Variants in ERO1B observed in about 807,000 individuals in gnomAD.
ERO1B encodes the protein endoplasmic reticulum oxidoreductase 1 beta.
ERO1B carries 49 observed loss-of-function variants against 75.3 expected under a neutral mutation model. That is an observed-to-expected ratio of 0.65 (90% CI 0.52 to 0.83). ERO1B has a LOEUF of 0.83. ERO1B is among the 40% of genes least tolerant of loss of function. The pLI is 0.00. For synonymous variants in ERO1B, 191 were observed against 192.9 expected (o/e 0.99, Z 0.08); for missense variants, 512 against 560.1 (o/e 0.91, Z 0.87).
At chr1:236,251,199 A>T (rs938922880) in intron 4 of ERO1B, among the ~76,000 whole-genome samples, 2 of 132,408 alleles carry the variant, frequency 1.5e-5, no homozygotes, top group African/African-American at 6.0e-5. Context: ...AATATTATTA[A>T]TATTATTTAA....
intron 2 of ERO1B, among the ~76,000 whole-genome samples, chr1:236,262,576 T>G (rs1665316682): frequency 6.6e-6 from 1 of 151,378 alleles, no homozygotes; most frequent in South Asian, 2.1e-4. Context: ...ATTTTTTTTT[T>G]GTATTTTTAG....
At chr1:236,259,671 T>C (rs1572060137) in intron 2 of ERO1B, among the ~76,000 whole-genome samples, 1 of 150,932 alleles carries the variant, frequency 6.6e-6, no homozygotes, top group Middle Eastern at 3.4e-3. Context: ...AGGGGGTCAA[T>C]TTATCAAGAA....
intron 1 of ERO1B, among the ~76,000 whole-genome samples, chr1:236,275,741 T>C (rs906918650): frequency 6.6e-6 from 1 of 152,166 alleles, no homozygotes; most frequent in Non-Finnish European, 1.5e-5. Flanking sequence ...CAAGTGTGAT[T>C]GAAAGGGGCT....
chr1:236,233,321 A>AG (rs1664460338), intron 8 of ERO1B, among the ~76,000 whole-genome samples: 1 of 151,090 alleles, frequency 6.6e-6, no homozygotes, highest in South Asian at 2.1e-4. Context: ...AAAAAAAAAA[A>AG]AAGAAGAAGG....
rs1663956859 is a variant in ERO1B, at chr1:236,215,819, T to A, written c.*2697A>T. The A allele has an allele frequency of 6.6e-6, 1 of 152,150 alleles. No homozygotes were observed. 9.4% of individuals were successfully genotyped at this position (152,150 alleles called of 1,614,324 possible). ...GGTTTACTGTGAACTGTTCCCAAAT[T>A]TTCAGCTGAAGGCAATGCTGATGAA... On this transcript the variant is annotated 3_prime_UTR_variant, in exon 16 of 16. Coordinates refer to ENST00000354619, the MANE Select transcript of ERO1B (RefSeq NM_019891.4).
At chr1:236,218,772 A>G (rs1484631639) in intron 15 of ERO1B, among the ~76,000 whole-genome samples, 196 bp from the exon 16 acceptor site, 1 of 152,216 alleles carries the variant, frequency 6.6e-6, no homozygotes, top group African/African-American at 2.4e-5. Flanking sequence ...GTTACTTCAT[A>G]CTATCTACAG....
At chr1:236,223,930 G>A (rs754632023) in intron 13 of ERO1B, among the ~76,000 whole-genome samples, 6 of 152,032 alleles carry the variant, frequency 3.9e-5, no homozygotes, top group Non-Finnish European at 7.4e-5. Flanking sequence ...AGAAAGTCTC[G>A]CCAAAGGAGA....
At position 236,281,859 on chromosome 1, in the gene ERO1B, A is replaced by AC; in HGVS notation, c.-77_-76insG. On this transcript the variant is annotated 5_prime_UTR_variant, in exon 1 of 16. Transcript: ENST00000354619. ...CGACGGGCGGCCCAGGCGACGACCCAAGGGGACGGTTCCCAGCGGCCGAGC... is the reference window on the plus strand; with the variant it reads ...CGACGGGCGGCCCAGGCGACGACCCACAGGGGACGGTTCCCAGCGGCCGAGC... 1 of 1,115,472 alleles carries AC rather than the reference A, an allele frequency of 9.0e-7. No homozygotes were observed. Among genetic ancestry groups the AC allele is most frequent in the Non-Finnish European group, 1.2e-6 (1 of 851,484 alleles). The allele number at this position is 1,115,472 out of a possible 1,614,324, so 69.1% of individuals were successfully genotyped here.
In ERO1B at chr1:236,268,313, G is replaced by A. The variant is rs573535660; in HGVS notation, c.222+1562C>T. On this transcript the variant is annotated intron_variant, in intron 2 of 15. Transcript: ENST00000354619. ...AAATTAGCCAGGCGTGGTGGTGGGC[G>A]CCTGTAATCCCAGCTACTCGGGAGG... is the stretch of plus-strand genomic sequence containing the variant. Among the ~76,000 whole-genome samples, 18 of 152,190 alleles carry A rather than the reference G, an allele frequency of 1.2e-4. No homozygotes were observed. In the East Asian group the frequency reaches 1.4e-3, roughly 11 times the overall value.
chr1:236,269,982 G>C lies in ERO1B; in HGVS notation c.115C>G (p.Leu39Val), dbSNP rs1276134566. 1.3e-6 allele frequency: 2 copies of C among 1,594,008 alleles called. No homozygotes were observed. The highest frequency in any genetic ancestry group is 2.3e-5 in the South Asian group (2 of 88,618). The change falls in exon 2 of 16, where the codon CTG (leucine) becomes GTG (valine). Residue 39 changes from leucine to valine, a missense_variant. Physicochemically the swap from Leu to Val is conservative, Grantham distance 32. Coordinates refer to ENST00000354619, the MANE Select transcript of ERO1B (RefSeq NM_019891.4). ...SVVEAQVTGVLDDCLCDIDSI... is the reference protein window; with the variant it reads ...SVVEAQVTGVVDDCLCDIDSI... ...TCAATATCACACAAGCAATCATCCAGAACTCCAGTGACCTAGAATTTATAT... is the reference window on the plus strand; with the variant it reads ...TCAATATCACACAAGCAATCATCCACAACTCCAGTGACCTAGAATTTATAT...
At chr1:236,228,944 TCA>T (rs1664336888) in intron 10 of ERO1B, among the ~76,000 whole-genome samples, 1 of 152,222 alleles carries the variant, frequency 6.6e-6, no homozygotes, top group Non-Finnish European at 1.5e-5. Context: ...TTACTAACAC[TCA>T]GAGTCTCTGA....
At position 236,226,332 on chromosome 1, in the gene ERO1B, G is replaced by A. The variant is rs1333242389; in HGVS notation, c.989C>T (p.Thr330Ile). 6.2e-7 allele frequency: 1 copy of A among 1,613,938 alleles called. No homozygotes were observed. Among genetic ancestry groups the A allele is most frequent in the African/African-American group, 1.3e-5 (1 of 74,926 alleles). ...YFERSIVDLYTGNAEEDADTK... is the reference protein window; with the variant it reads ...YFERSIVDLYIGNAEEDADTK... Reference sequence around the variant, plus strand: ...GTCAGCATCTTCTTCTGCATTTCCAGTGTAAAGATCGACAATTGAGCGCTC... The same window carrying A: ...GTCAGCATCTTCTTCTGCATTTCCAATGTAAAGATCGACAATTGAGCGCTC... The change falls in exon 12 of 16, where the codon ACT becomes ATT. Residue 330 changes from threonine to isoleucine, a missense_variant. Thr to Ile is a moderately conservative substitution (Grantham distance 89, BLOSUM62 -1). Transcript: ENST00000354619.
intron 5 of ERO1B, among the ~76,000 whole-genome samples, chr1:236,245,711 G>A (rs556325525): frequency 8.2e-5 from 12 of 145,692 alleles, no homozygotes; most frequent in African/African-American, 2.8e-4. Flanking sequence ...TCACCCTCCT[G>A]AGTAGCTGGG....
At chr1:236,233,746 A>T (rs541607139) in intron 8 of ERO1B, among the ~76,000 whole-genome samples, 1 of 152,216 alleles carries the variant, frequency 6.6e-6, no homozygotes, top group Non-Finnish European at 1.5e-5. Context: ...CTCTCTGAAC[A>T]TTACTGTTTC....
intron 2 of ERO1B, among the ~76,000 whole-genome samples, chr1:236,254,826 TG>T (rs1250175875): frequency 6.6e-6 from 1 of 152,106 alleles, no homozygotes; most frequent in African/African-American, 2.4e-5. Flanking sequence ...TTGGCCAGGC[TG>T]GTTTCGAACT....
chr1:236,221,095 T>C, intron 14 of ERO1B, 130 bp from the exon 15 acceptor site: 2 of 642,970 alleles, frequency 3.1e-6, no homozygotes, highest in Non-Finnish European at 4.7e-6. Flanking sequence ...CACAAAAATA[T>C]TACTACAGTT....
chr1:236,251,405 A>G (rs1332454512), intron 4 of ERO1B: 1 of 769,998 alleles, frequency 1.3e-6, no homozygotes, highest in Non-Finnish European at 1.6e-6. Context: ...AACTGCTTTT[A>G]TATGGTTTTA....
In ERO1B at chr1:236,253,446, G is replaced by C. The variant is rs1452302992; in HGVS notation, c.282C>G (p.Asp94Glu). The stretch of plus-strand genomic sequence containing the variant: ...CCTCTGGACAGGGCTCCACATGACA[G>C]TCTTTTATTGAACAGTGGCCATCTT... ...WAEDGHCSIK[D>E]CHVEPCPESK... The change falls in exon 3 of 16, where the codon GAC becomes GAG. Residue 94 changes from aspartate to glutamate, a missense_variant. Transcript: ENST00000354619. 6.2e-7 allele frequency: 1 copy of C among 1,609,986 alleles called. No individual in the cohort carries two copies. The highest frequency in any genetic ancestry group is 1.7e-5 in the Admixed American group (1 of 59,772).
chr1:236,245,627 C>CCACA (rs1247011051), intron 5 of ERO1B, among the ~76,000 whole-genome samples: 1 of 125,802 alleles, frequency 7.9e-6, no homozygotes. Flanking sequence ...ACTCTGTCAC[C>CCACA]CAGGCTGGAG....
Sources: gnomAD v4.1 joint callset for allele counts (sites outside exome capture counted in the v4.1 genomes callset) on GRCh38, gnomAD v4.1.1 for gene constraint, MANE v1.5 for transcripts, NCBI Gene and HGNC (gene_info 2026-07-23, HGNC 2026-07-21) for gene names.